The following TNS3 variants were observed in gnomAD, a reference collection of about 807,000 sequenced individuals.
TNS3 encodes the protein tensin-3.
Under a neutral mutation model 140.9 loss-of-function variants are expected in TNS3, and 45 were observed. That is an observed-to-expected ratio of 0.32 (90% CI 0.25 to 0.41). The LOEUF (loss-of-function observed/expected upper bound fraction) is 0.41. TNS3 is among the 10% of genes least tolerant of loss of function. The pLI, the probability that TNS3 is intolerant of heterozygous loss-of-function variation, is 1.00. For synonymous variants in TNS3, 815 were observed against 788.4 expected, an observed-to-expected ratio of 1.03 and a Z score of -0.56; for missense variants, 1,716 against 1,906.7, an observed-to-expected ratio of 0.90 and a Z score of 1.86.
intron 20 of TNS3, among the ~76,000 whole-genome samples, chr7:47,321,412 T>A (rs1403908979): frequency 6.6e-6 from 1 of 152,156 alleles, no homozygotes. Flanking sequence ...GGAGCCCAGC[T>A]CCATTCCACT....
At chr7:47,351,358 ATAGCG>A (rs1789661523) in intron 17 of TNS3, among the ~76,000 whole-genome samples, 1 of 152,156 alleles carries the variant, frequency 6.6e-6, no homozygotes, top group Non-Finnish European at 1.5e-5. Context: ...ATTCTCATTT[ATAGCG>A]AGCAGGGCTT....
chr7:47,462,380 C>T (rs888839249), intron 4 of TNS3, among the ~76,000 whole-genome samples: 1 of 152,194 alleles, frequency 6.6e-6, no homozygotes, highest in Non-Finnish European at 1.5e-5. Flanking sequence ...CCCTTATCAT[C>T]CCCACTTTCA....
chr7:47,533,290 C>T (rs1437100224), intron 1 of TNS3, among the ~76,000 whole-genome samples: 1 of 150,778 alleles, frequency 6.6e-6, no homozygotes, highest in Non-Finnish European at 1.5e-5. Flanking sequence ...CGCCACCATG[C>T]CTGGCTAATT....
chr7:47,498,455 C>T (rs1439712211), intron 3 of TNS3, among the ~76,000 whole-genome samples: 1 of 152,116 alleles, frequency 6.6e-6, no homozygotes, highest in Non-Finnish European at 1.5e-5. Context: ...TTACTGGCCA[C>T]GTAGTTAAAA....
At chr7:47,524,584 T>C (rs13247191) in intron 2 of TNS3, among the ~76,000 whole-genome samples, 49,639 of 149,550 alleles carry the variant, frequency 0.33, 9,076 homozygotes, top group African/African-American at 0.49. Flanking sequence ...GGGTGGATCA[T>C]GAGGTCAGGA....
At chr7:47,482,950 T>C (rs543810750) in intron 3 of TNS3, among the ~76,000 whole-genome samples, 1 of 152,228 alleles carries the variant, frequency 6.6e-6, no homozygotes, top group African/African-American at 2.4e-5. Context: ...GCACAGAGAC[T>C]CTTTAGGGCC....
At chr7:47,513,227 T>C (rs1397152128) in intron 2 of TNS3, among the ~76,000 whole-genome samples, 1 of 152,218 alleles carries the variant, frequency 6.6e-6, no homozygotes, top group Non-Finnish European at 1.5e-5. Flanking sequence ...TGGAGTGCAG[T>C]GGCATGATCA....
chr7:47,344,943 C>A lies in TNS3; in HGVS notation c.2547G>T (p.Val849=), dbSNP rs745979269. 14 of 1,614,064 alleles carry A rather than the reference C, an allele frequency of 8.7e-6. No homozygotes were observed. The Admixed American group carries it at 2.3e-4, about 27-fold the overall frequency. ...TCTTACCATACGGTGTCTCTGGAGA[C>A]ACAGGAAATGCTGGAGTTGAACACA... ...ESMCSTPAFP[V]SPETPYVKTA... is the part of the protein sequence containing the mutation. The change falls in exon 19 of 31, where the codon GTG becomes GTT. Residue 849 remains valine (V), a synonymous_variant. Transcript: ENST00000311160.
At chr7:47,394,175 T>C (rs1792692394) in intron 16 of TNS3, among the ~76,000 whole-genome samples, 1 of 152,232 alleles carries the variant, frequency 6.6e-6, no homozygotes, top group South Asian at 2.1e-4. Flanking sequence ...GAAACACGCA[T>C]TGAGTATCTG....
intron 16 of TNS3, among the ~76,000 whole-genome samples, chr7:47,394,076 A>G (rs1476403634): frequency 2.6e-5 from 4 of 152,202 alleles, no homozygotes; most frequent in Non-Finnish European, 5.9e-5. Flanking sequence ...AAGATGCTGC[A>G]TGAAAAATAC....
chr7:47,414,823 T>C lies in TNS3; in HGVS notation c.586+271A>G, dbSNP rs375181478. Among the ~76,000 whole-genome samples, 7 of 152,322 alleles carry C rather than the reference T, an allele frequency of 4.6e-5. No individual in the cohort carries two copies. The East Asian group carries it at 9.7e-4, about 21-fold the overall frequency. The stretch of plus-strand genomic sequence containing the variant: ...GGGCTGCAGCCCAGAACAATGCTTG[T>C]CTGCCCTAGTCACTGTGCATATACA... On this transcript the variant is annotated intron_variant, in intron 11 of 30. Coordinates refer to ENST00000311160, the MANE Select transcript of TNS3 (RefSeq NM_022748.12).
intron 24 of TNS3, among the ~76,000 whole-genome samples, chr7:47,295,336 C>T (rs1283573271): frequency 1.3e-5 from 2 of 152,156 alleles, no homozygotes; most frequent in Non-Finnish European, 2.9e-5. Context: ...TACACGGAAA[C>T]GAAGGAGCCA....
At chr7:47,462,738 A>G (rs1050331062) in intron 4 of TNS3, among the ~76,000 whole-genome samples, 1 of 152,090 alleles carries the variant, frequency 6.6e-6, no homozygotes, top group Non-Finnish European at 1.5e-5. Flanking sequence ...TCACTCCACC[A>G]CGAGGGACCA....
chr7:47,542,312 T>C (rs6463419), intron 1 of TNS3, among the ~76,000 whole-genome samples: 1,793 of 152,064 alleles, frequency 0.012, 33 homozygotes, highest in African/African-American at 0.041. Context: ...CACTGGGTGT[T>C]TCTGCAGAGA....
Position 47,293,779 on chromosome 7 carries a change from G to A in TNS3, c.3726C>T (p.Thr1242=), listed in dbSNP as rs370206071. Residue 1242 remains threonine, a synonymous_variant, in exon 25 of 31, where the codon ACC becomes ACT. Transcript: ENST00000311160. ...ELVRHFLIEC[T]PKGVRLKGCS... is the part of the protein sequence containing the mutation. ...ACCCTTTCAACCGCACTCCCTTCGGGGTACACTCGATCAAAAAGTGCCGGA... is the reference window on the plus strand; with the variant it reads ...ACCCTTTCAACCGCACTCCCTTCGGAGTACACTCGATCAAAAAGTGCCGGA... 131 of 1,613,974 alleles carry A rather than the reference G, an allele frequency of 8.1e-5. No individual in the cohort carries two copies. In the African/African-American group the frequency reaches 1.7e-3, roughly 20 times the overall value.
chr7:47,507,588 TCC>T (rs1798466001), intron 2 of TNS3, among the ~76,000 whole-genome samples: 1 of 152,138 alleles, frequency 6.6e-6, no homozygotes, highest in Non-Finnish European at 1.5e-5. Context: ...GAGTCCTGTG[TCC>T]CTTCGGAGGC....
intron 17 of TNS3, among the ~76,000 whole-genome samples, chr7:47,357,037 G>A (rs1790036115): frequency 2.0e-5 from 3 of 152,268 alleles, no homozygotes; most frequent in Middle Eastern, 3.4e-3. Flanking sequence ...GCAGTGAGCT[G>A]TGATCACACC....
chr7:47,320,834 G>A (rs1000285170), intron 20 of TNS3, among the ~76,000 whole-genome samples: 1 of 152,208 alleles, frequency 6.6e-6, no homozygotes, highest in Non-Finnish European at 1.5e-5. Context: ...GGGAGATGCA[G>A]CCCCTCTATA....
At position 47,276,186 on chromosome 7, in the gene TNS3, C is replaced by T. The variant is rs1416461071; in HGVS notation, c.*1890G>A. On this transcript the variant is annotated 3_prime_UTR_variant, in exon 31 of 31. Coordinates refer to ENST00000311160, the MANE Select transcript of TNS3 (RefSeq NM_022748.12). ...CAGCACCTCCTGACAGTCATGCCAC[C>T]GCAAGTTAGAGAAGGAGGTCCACAA... The T allele has an allele frequency of 1.1e-5, 2 of 190,006 alleles. No homozygotes were observed. Among genetic ancestry groups the T allele is most frequent in the Non-Finnish European group, 2.2e-5 (2 of 90,930 alleles). 11.8% of individuals were successfully genotyped at this position (190,006 alleles called of 1,614,324 possible). A position where few individuals can be genotyped will look rare whatever the true frequency, so the allele number is the denominator to read the frequency against.
Sources: gnomAD v4.1 joint callset for allele counts (sites outside exome capture counted in the v4.1 genomes callset) on GRCh38, gnomAD v4.1.1 for gene constraint, MANE v1.5 for transcripts, NCBI Gene and HGNC (gene_info 2026-07-23, HGNC 2026-07-21) for gene names.